The following TLK2 variants were observed in gnomAD, a reference collection of about 807,000 sequenced individuals.
TLK2 encodes tousled like kinase 2.
Under a neutral mutation model 117.3 loss-of-function variants are expected in TLK2, and 6 were observed. The observed-to-expected ratio is 0.05, with a 90% CI of 0.03 to 0.10. The LOEUF (loss-of-function observed/expected upper bound fraction) is 0.10, where lower values mean the gene tolerates loss of function less well. Ranked by LOEUF, TLK2 falls within the 10% of genes least tolerant of loss-of-function variation. The pLI is 1.00. For synonymous variants in TLK2, 257 were observed against 316.7 expected (o/e 0.81, Z 2.00); for missense variants, 299 against 901.2 (o/e 0.33, Z 8.56).
upstream of TLK2, among the ~76,000 whole-genome samples, chr17:62,478,691 C>G (rs1412818997): frequency 2.1e-5 from 3 of 142,670 alleles, no homozygotes; most frequent in East Asian, 2.1e-4. Context: ...GGGACCCCCC[C>G]CCACCTTCCT....
In TLK2 at chr17:62,576,966, C is replaced by CTTCTTTTTTT. The variant is rs749402691; in HGVS notation, c.1188+193_1188+194insCTTTTTTTTT. The stretch of plus-strand genomic sequence containing the variant: ...ATATTTTTCCATTTTCTTTCTTCTT[C>CTTCTTTTTTT]TTTTTTTTTTTTTTGAGTTGGAGTC... On this transcript the variant is annotated intron_variant, in intron 13 of 21. Transcript: ENST00000346027. 1.0e-3 allele frequency among the ~76,000 whole-genome samples: 118 copies of CTTCTTTTTTT among 115,928 alleles called. 1 individual carries two copies. The highest frequency in any genetic ancestry group is 2.9e-3 in the East Asian group (9 of 3,100). 76.1% of individuals were successfully genotyped at this position (115,928 alleles called of 152,430 possible). A position where few individuals can be genotyped will look rare whatever the true frequency, so the allele number is the denominator to read the frequency against.
chr17:62,540,400 A>ATTTTTTT (rs534202077), intron 7 of TLK2, among the ~76,000 whole-genome samples: 3,838 of 19,780 alleles, frequency 0.19, 1,426 homozygotes, highest in Non-Finnish European at 0.55. Context: ...TATGTTCAGA[A>ATTTTTTT]TTTTTTTTTT....
At chr17:62,584,065 C>T (rs538197847) in intron 15 of TLK2, among the ~76,000 whole-genome samples, 86 of 145,430 alleles carry the variant, frequency 5.9e-4, no homozygotes, top group African/African-American at 2.1e-3. Flanking sequence ...AGCATTGGTG[C>T]TCTTATAAAT....
chr17:62,486,003 G>A (rs920801135), intron 2 of TLK2, among the ~76,000 whole-genome samples: 1 of 151,762 alleles, frequency 6.6e-6, no homozygotes, highest in Non-Finnish European at 1.5e-5. Flanking sequence ...TGTATTTTTA[G>A]TAGAGACGGG....
At chr17:62,542,887 C>A (rs760808955) in intron 7 of TLK2, among the ~76,000 whole-genome samples, 1 of 152,156 alleles carries the variant, frequency 6.6e-6, no homozygotes, top group African/African-American at 2.4e-5. Flanking sequence ...GAAATCTTGA[C>A]CTCCTATCTC....
At chr17:62,552,604 C>G (rs908218320) in intron 8 of TLK2, among the ~76,000 whole-genome samples, 9 of 151,134 alleles carry the variant, frequency 6.0e-5, no homozygotes, top group Non-Finnish European at 2.9e-5. Context: ...CTTTACTCTT[C>G]CGGTGTATTG....
chr17:62,492,784 G>C (rs760870114), intron 2 of TLK2, among the ~76,000 whole-genome samples: 8 of 151,816 alleles, frequency 5.3e-5, no homozygotes, highest in Non-Finnish European at 1.0e-4. Flanking sequence ...TTCCCAAATC[G>C]TAACTCCATG....
At chr17:62,565,816 T>C (rs1158630616) in intron 11 of TLK2, among the ~76,000 whole-genome samples, 1 of 152,096 alleles carries the variant, frequency 6.6e-6, no homozygotes, top group Non-Finnish European at 1.5e-5. Context: ...CACAGAAAAA[T>C]GAAATGTGAA....
intron 15 of TLK2, among the ~76,000 whole-genome samples, chr17:62,584,622 C>G (rs1024853052): frequency 6.6e-6 from 1 of 151,954 alleles, no homozygotes; most frequent in African/African-American, 2.4e-5. Context: ...CAAAAACAGC[C>G]TGGCAAACAC....
chr17:62,474,000 A>T (rs775151877), upstream of TLK2, among the ~76,000 whole-genome samples: 12 of 152,024 alleles, frequency 7.9e-5, no homozygotes, highest in Non-Finnish European at 1.2e-4. Flanking sequence ...GGCTCAAGTG[A>T]TCTCCCAACC....
chr17:62,561,782 A>G (rs1445873820), intron 10 of TLK2, among the ~76,000 whole-genome samples: 1 of 152,220 alleles, frequency 6.6e-6, no homozygotes, highest in Non-Finnish European at 1.5e-5. Flanking sequence ...GTGAGAAAAA[A>G]TAAAATATAT....
rs1341858715 is a variant in TLK2, at chr17:62,613,272, G to C, written c.*707G>C. 6.6e-6 allele frequency: 1 copy of C among 152,564 alleles called. No individual in the cohort carries two copies. The highest frequency in any genetic ancestry group is 1.5e-5 in the Non-Finnish European group (1 of 68,032). The allele number at this position is 152,564 out of a possible 1,614,324, so 9.5% of individuals were successfully genotyped here. ...AGCTTTCTCCTCCGTCTGGTCTCCT[G>C]TTTGCAATTGCTTCCCTCATCTCAG... On this transcript the variant is annotated 3_prime_UTR_variant, in exon 22 of 22. Coordinates refer to ENST00000346027, the MANE Select transcript of TLK2 (RefSeq NM_006852.6).
At chr17:62,569,270 C>G (rs2080067662) in intron 11 of TLK2, among the ~76,000 whole-genome samples, 1 of 150,604 alleles carries the variant, frequency 6.6e-6, no homozygotes, top group Non-Finnish European at 1.5e-5. Flanking sequence ...CCACTGCACT[C>G]CAGCCTGGGT....
chr17:62,601,938 G>C, intron 18 of TLK2, 104 bp from the exon 19 acceptor site: 4 of 1,025,064 alleles, frequency 3.9e-6, no homozygotes, highest in East Asian at 5.2e-5. Context: ...GTTTGCTTTT[G>C]CAAGAGTTTG....
At chr17:62,575,101 A>G (rs1453973690) in intron 12 of TLK2, among the ~76,000 whole-genome samples, 2 of 152,220 alleles carry the variant, frequency 1.3e-5, no homozygotes, top group Non-Finnish European at 2.9e-5. Context: ...AGGAGTGATA[A>G]AGAAAGCATA....
At chr17:62,585,382 A>G (rs906790200) in intron 15 of TLK2, among the ~76,000 whole-genome samples, 12 of 152,200 alleles carry the variant, frequency 7.9e-5, no homozygotes, top group Non-Finnish European at 1.3e-4. Flanking sequence ...TACTAAAAAT[A>G]CAAAAATTAG....
At chr17:62,573,505 G>A in intron 12 of TLK2, 138 bp downstream of exon 12, 3 of 1,179,326 alleles carry the variant, frequency 2.5e-6, no homozygotes, top group Non-Finnish European at 3.5e-6. Flanking sequence ...TAATGGATTT[G>A]CTCAACTCAT....
intron 11 of TLK2, among the ~76,000 whole-genome samples, chr17:62,567,300 ACT>A (rs2079874681): frequency 6.6e-6 from 1 of 152,176 alleles, no homozygotes; most frequent in Admixed American, 6.5e-5. Context: ...TTTATCTCTT[ACT>A]CTAAAAGCAG....
chr17:62,571,233 T>C (rs2080263946), intron 11 of TLK2, among the ~76,000 whole-genome samples: 1 of 152,218 alleles, frequency 6.6e-6, no homozygotes, highest in Non-Finnish European at 1.5e-5. Flanking sequence ...CCATGGATGC[T>C]CAAGTCCCTG....
Sources: gnomAD v4.1 joint callset for allele counts (sites outside exome capture counted in the v4.1 genomes callset) on GRCh38, gnomAD v4.1.1 for gene constraint, MANE v1.5 for transcripts, NCBI Gene and HGNC (gene_info 2026-07-23, HGNC 2026-07-21) for gene names.